The following LAMA2 variants were observed in gnomAD, a reference collection of about 807,000 sequenced individuals.
The protein encoded by LAMA2 is laminin subunit alpha-2.
LAMA2 carries 269 observed loss-of-function variants against 364.8 expected under a neutral mutation model. The observed-to-expected ratio is 0.74, with a 90% CI of 0.67 to 0.82. The LOEUF is 0.82. LAMA2 is among the 40% of genes least tolerant of loss of function. The pLI, the probability that LAMA2 is intolerant of heterozygous loss-of-function variation, is 0.00. For synonymous variants in LAMA2, 1,379 were observed against 1,370.6 expected (o/e 1.01, Z -0.14); for missense variants, 3,807 against 3,873.2 (o/e 0.98, Z 0.45).
intron 1 of LAMA2, among the ~76,000 whole-genome samples, chr6:128,978,632 TA>T (rs1424062196): frequency 6.6e-6 from 1 of 152,190 alleles, no homozygotes; most frequent in Non-Finnish European, 1.5e-5. Flanking sequence ...TGCCCTTCTC[TA>T]AAGGCACTTG....
chr6:129,491,266 G>A (rs894783492), intron 56 of LAMA2, among the ~76,000 whole-genome samples: 1 of 152,172 alleles, frequency 6.6e-6, no homozygotes, highest in African/African-American at 2.4e-5. Flanking sequence ...TCCAAGGATT[G>A]TTGTAAATAA....
At chr6:129,283,167 G>A (rs142770478) in intron 18 of LAMA2, among the ~76,000 whole-genome samples, 5 of 152,016 alleles carry the variant, frequency 3.3e-5, no homozygotes, top group Non-Finnish European at 4.4e-5. Flanking sequence ...AGGGGAGAAG[G>A]TATTCATGAT....
At position 129,393,129 on chromosome 6, in the gene LAMA2, G is replaced by A. The variant is rs201309072; in HGVS notation, c.5319G>A (p.Arg1773=). 17 of 1,614,044 alleles carry A rather than the reference G, an allele frequency of 1.1e-5. No homozygotes were observed. The highest frequency in any genetic ancestry group is 1.4e-5 in the Non-Finnish European group (17 of 1,179,938). ...ATGAAGAAATGGAGAAGGATCTCCG[G>A]GAAAAACTGGCTGACTACAAAAACA... ...GENEEMEKDL[R]EKLADYKNKV... is the part of the protein sequence containing the mutation. Residue 1773 remains arginine (R), a synonymous_variant, in exon 37 of 65, where the codon CGG becomes CGA. Coordinates refer to ENST00000421865, the MANE Select transcript of LAMA2 (RefSeq NM_000426.4).
At chr6:129,075,418 G>A (rs181225089) in intron 3 of LAMA2, among the ~76,000 whole-genome samples, 63 of 152,262 alleles carry the variant, frequency 4.1e-4, no homozygotes, top group African/African-American at 1.4e-3. Context: ...TGAGAAACCC[G>A]CAGTGGTATT....
rs192289179 is a variant in LAMA2, at chr6:129,177,422, A to G, written c.1307-284A>G. Among the ~76,000 whole-genome samples, 1,188 of 152,244 alleles carry G rather than the reference A, an allele frequency of 7.8e-3. 7 individuals are homozygous for G. The highest frequency in any genetic ancestry group is 0.011 in the Non-Finnish European group (770 of 68,016). ...CGTTTGTGGAAATTTCTCCTTGGTCATTGTTTTCTATAGCCATAGTTTGGT... is the reference window on the plus strand; with the variant it reads ...CGTTTGTGGAAATTTCTCCTTGGTCGTTGTTTTCTATAGCCATAGTTTGGT... On this transcript the variant is annotated intron_variant, in intron 9 of 64. Coordinates refer to ENST00000421865, the MANE Select transcript of LAMA2 (RefSeq NM_000426.4).
rs532085682 is a variant in LAMA2, at chr6:129,467,590, A to T, written c.7300+2301A>T. On this transcript the variant is annotated intron_variant, in intron 51 of 64. Coordinates refer to ENST00000421865, the MANE Select transcript of LAMA2 (RefSeq NM_000426.4). ...AATGCTATAAACTCTAAAGATAGTA[A>T]TATGCTTGGTAGATGTACGGTATAA... Among the ~76,000 whole-genome samples, 76 of 152,068 alleles carry T rather than the reference A, an allele frequency of 5.0e-4. 2 individuals are homozygous for T. In the South Asian group the frequency reaches 0.014, roughly 28 times the overall value.
intron 5 of LAMA2, among the ~76,000 whole-genome samples, chr6:129,146,313 TA>T (rs547377958): frequency 6.6e-6 from 1 of 151,994 alleles, no homozygotes; most frequent in Admixed American, 6.6e-5. Flanking sequence ...TAATTATCCT[TA>T]AAAAATAGCT....
Position 129,332,764 on chromosome 6 carries a change from G to A in LAMA2, c.4311+4352G>A, listed in dbSNP as rs1288226390. 2.6e-5 allele frequency among the ~76,000 whole-genome samples: 4 copies of A among 151,726 alleles called. No individual in the cohort carries two copies. The East Asian group carries it at 5.8e-4, about 22-fold the overall frequency. On this transcript the variant is annotated intron_variant, in intron 29 of 64. Transcript: ENST00000421865. ...TTTCAACATAGTAAATGTACTAACT[G>A]GTCATTATTGGTAAACCTTAACTAT... is the stretch of plus-strand genomic sequence containing the variant.
intron 45 of LAMA2, among the ~76,000 whole-genome samples, chr6:129,447,261 G>A (rs924852319): frequency 3.9e-5 from 6 of 152,178 alleles, no homozygotes; most frequent in Non-Finnish European, 5.9e-5. Flanking sequence ...TATAGAAGCC[G>A]TGAGAAGTGA....
intron 1 of LAMA2, among the ~76,000 whole-genome samples, chr6:128,976,919 A>G (rs1407164880): frequency 6.6e-6 from 1 of 152,168 alleles, no homozygotes; most frequent in Admixed American, 6.5e-5. Context: ...TGTCTTCTAA[A>G]TTGGGGTTCC....
chr6:129,488,957 G>A (rs1784727505), intron 56 of LAMA2, among the ~76,000 whole-genome samples: 1 of 152,180 alleles, frequency 6.6e-6, no homozygotes, highest in South Asian at 2.1e-4. Context: ...CATCACAGAT[G>A]AGAAAATATT....
intron 40 of LAMA2, among the ~76,000 whole-genome samples, chr6:129,410,528 T>A (rs1048782766): frequency 6.6e-6 from 1 of 152,184 alleles, no homozygotes; most frequent in African/African-American, 2.4e-5. Flanking sequence ...TTTAGTTAGA[T>A]CTTCACTAGA....
At chr6:128,917,699 CT>C (rs113304257) in intron 1 of LAMA2, among the ~76,000 whole-genome samples, 2,995 of 100,984 alleles carry the variant, frequency 0.03, 182 homozygotes, top group African/African-American at 0.11. Context: ...TGTCCTTTTT[CT>C]TTTTTTTTTC....
chr6:128,908,329 T>C (rs1777641328), intron 1 of LAMA2, among the ~76,000 whole-genome samples: 1 of 151,494 alleles, frequency 6.6e-6, no homozygotes, highest in Non-Finnish European at 1.5e-5. Flanking sequence ...TATTTGTCTA[T>C]TCAGAGATTC....
chr6:129,209,858 G>A (rs1383349985), intron 12 of LAMA2, among the ~76,000 whole-genome samples: 12 of 151,878 alleles, frequency 7.9e-5, no homozygotes, highest in Non-Finnish European at 1.8e-4. Context: ...ATAAAAATTA[G>A]CCAGGCAGGG....
chr6:129,113,881 A>G (rs1392637030), intron 4 of LAMA2, among the ~76,000 whole-genome samples: 1 of 152,000 alleles, frequency 6.6e-6, no homozygotes, highest in East Asian at 1.9e-4. Flanking sequence ...CTACACTAGG[A>G]CTCAGAGGAG....
intron 37 of LAMA2, among the ~76,000 whole-genome samples, chr6:129,394,660 C>A (rs1779507482): frequency 6.6e-6 from 1 of 152,202 alleles, no homozygotes; most frequent in Non-Finnish European, 1.5e-5. Flanking sequence ...AGCCGTGTGA[C>A]TTACCCGAAG....
chr6:129,515,163 C>T (rs942555914), intron 64 of LAMA2, among the ~76,000 whole-genome samples: 2 of 152,026 alleles, frequency 1.3e-5, no homozygotes, highest in Non-Finnish European at 2.9e-5. Flanking sequence ...CAAGAGTGGC[C>T]AACTTGATGA....
At chr6:129,288,182 T>G in intron 19 of LAMA2, 124 bp downstream of exon 19, 1 of 800,414 alleles carries the variant, frequency 1.2e-6, no homozygotes, top group East Asian at 2.5e-5. Context: ...GATAGATGCA[T>G]AGAATATACA....
Sources: allele counts gnomAD v4.1 joint callset (sites outside exome capture counted in the v4.1 genomes callset), GRCh38; gene constraint gnomAD v4.1.1; transcripts MANE v1.5; gene names NCBI Gene and HGNC (gene_info 2026-07-23, HGNC 2026-07-21).